PCDHGB1: variants seen among roughly 807,000 people sequenced by gnomAD.
PCDHGB1 encodes protocadherin gamma subfamily B, 1.
In PCDHGB1, 34 loss-of-function variants were observed where a neutral mutation model predicts 56.6. That is an observed-to-expected ratio of 0.60 (90% CI 0.46 to 0.80). The LOEUF is 0.80. Among genes scored for constraint, PCDHGB1 ranks in the 30% least tolerant of loss-of-function variants. The probability of loss-of-function intolerance (pLI) is 0.00; values close to 1 mark genes in which losing one functional copy is unlikely to be tolerated. For missense variants in PCDHGB1, 1,278 were observed against 1,204.6 expected (o/e 1.06, Z -0.90); for synonymous variants, 561 against 505.9 (o/e 1.11, Z -1.46).
At chr5:141,363,012 T>G (rs1296290865) in intron 1 of PCDHGB1, among the ~76,000 whole-genome samples, 1 of 152,230 alleles carries the variant, frequency 6.6e-6, no homozygotes, top group African/African-American at 2.4e-5. Context: ...TCACAGGGCA[T>G]GGGTAGGACA....
chr5:141,398,212 C>T, intron 1 of PCDHGB1: 1 of 1,484,360 alleles, frequency 6.7e-7, no homozygotes, highest in South Asian at 1.3e-5. Flanking sequence ...CTGCCCGGCG[C>T]TCTGTGAGCA....
In PCDHGB1 at chr5:141,389,878, G is replaced by A. The variant is rs1369885786; in HGVS notation, c.2409+37209G>A. On this transcript the variant is annotated intron_variant, in intron 1 of 3. Coordinates refer to ENST00000523390, the MANE Select transcript of PCDHGB1 (RefSeq NM_018922.3). ...ACGTTGCACCTGGTCTTCGCCGACA[G>A]CTTGCAGGAGGTGCTGCCGGATATC... The A allele has an allele frequency of 6.2e-7, 1 of 1,613,972 alleles. No individual in the cohort carries two copies. The highest frequency in any genetic ancestry group is 1.3e-5 in the African/African-American group (1 of 74,952).
At position 141,487,653 on chromosome 5, in the gene PCDHGB1, A is replaced by C. The variant is rs1033173132; in HGVS notation, c.2410-7154A>C. The C allele has an allele frequency of 3.1e-6, 5 of 1,613,794 alleles. No individual in the cohort carries two copies. Among genetic ancestry groups the C allele is most frequent in the Non-Finnish European group, 4.2e-6 (5 of 1,179,926 alleles). ...CAGGCTCAACAAATGCTTGAGGGTT[A>C]TTCTGATCCAGGCATATGGCTAGGC... On this transcript the variant is annotated intron_variant, in intron 1 of 3. Transcript: ENST00000523390. This position sits in a 1 kb window ranked among gnomAD's most constrained non-coding sequence, Gnocchi z 5.0.
intron 2 of PCDHGB1, among the ~76,000 whole-genome samples, chr5:141,500,310 G>A (rs1327269551): frequency 6.6e-6 from 1 of 151,740 alleles, no homozygotes; most frequent in Non-Finnish European, 1.5e-5. Flanking sequence ...CCAGGTTCAC[G>A]CCATGCTCCT....
At chr5:141,475,583 G>A (rs1181419200) in intron 1 of PCDHGB1, among the ~76,000 whole-genome samples, 1 of 152,198 alleles carries the variant, frequency 6.6e-6, no homozygotes, top group Non-Finnish European at 1.5e-5. Context: ...CAGATTTGTT[G>A]GTGTTTTTCC....
chr5:141,490,050 C>T lies in PCDHGB1; in HGVS notation c.2410-4757C>T, dbSNP rs1400735375. On this transcript the variant is annotated intron_variant, in intron 1 of 3. Transcript: ENST00000523390. This position sits in a 1 kb window ranked among gnomAD's most constrained non-coding sequence, Gnocchi z 5.4. ...TCCGCCTCAATGCCACTGATCCAGA[C>T]GAGGGCACCAACGGCCAACTAGACT... The T allele has an allele frequency of 1.2e-6, 2 of 1,614,224 alleles. No individual in the cohort carries two copies. The highest frequency in any genetic ancestry group is 1.7e-6 in the Non-Finnish European group (2 of 1,180,022).
chr5:141,360,863 G>T, intron 1 of PCDHGB1: 1 of 1,614,000 alleles, frequency 6.2e-7, no homozygotes, highest in Non-Finnish European at 8.5e-7. Context: ...CCAGTGTTCA[G>T]CCAGGACGTG....
Position 141,477,649 on chromosome 5 carries a change from A to G in PCDHGB1, c.2410-17158A>G, listed in dbSNP as rs2099415032. 3.7e-6 allele frequency: 6 copies of G among 1,614,076 alleles called. No individual in the cohort carries two copies. Among genetic ancestry groups the G allele is most frequent in the Non-Finnish European group, 5.1e-6 (6 of 1,180,048 alleles). ...CCGGGCTAGTGGGTCGCTATTTCAC[A>G]ATAAATCGTGACAATGGCATAGTGT... On this transcript the variant is annotated intron_variant, in intron 1 of 3. Transcript: ENST00000523390. The surrounding 1 kb of genome is among the most constrained non-coding windows in gnomAD (Gnocchi z 4.9).
chr5:141,484,000 G>C (rs1425172275), intron 1 of PCDHGB1, among the ~76,000 whole-genome samples: 1 of 147,812 alleles, frequency 6.8e-6, no homozygotes, highest in Admixed American at 6.8e-5. Context: ...TGGGAGGTCT[G>C]GATGAGGGTG....
rs117064561 is a variant in PCDHGB1, at chr5:141,470,737, G to T, written c.2410-24070G>T. Among the ~76,000 whole-genome samples the T allele has an allele frequency of 1.9e-3, 295 of 152,132 alleles. 7 individuals carry two copies. In the East Asian group the frequency reaches 0.046, roughly 24 times the overall value. On this transcript the variant is annotated intron_variant, in intron 1 of 3. Coordinates refer to ENST00000523390, the MANE Select transcript of PCDHGB1 (RefSeq NM_018922.3). ...TTTTGAGTCAGGGTCTTGCTCTGTC[G>T]CCCTGGCTGGAGTGCAGTGGACTCA...
At chr5:141,390,123 C>T in intron 1 of PCDHGB1, 1 of 1,614,008 alleles carries the variant, frequency 6.2e-7, no homozygotes, top group Non-Finnish European at 8.5e-7. Context: ...GGGGACTTTG[C>T]CTTATTCCTA....
At position 141,356,742 on chromosome 5, in the gene PCDHGB1, A is replaced by G. The variant is rs770003971; in HGVS notation, c.2409+4073A>G. 4.3e-6 allele frequency: 7 copies of G among 1,613,844 alleles called. No homozygotes were observed. The African/African-American group carries it at 8.0e-5, about 18-fold the overall frequency. On this transcript the variant is annotated intron_variant, in intron 1 of 3. Transcript: ENST00000523390. ...CCATCAACTCCAATACAGGGATCCTATATGCTCTTTGCTCCTTCGACTATG... is the reference window on the plus strand; with the variant it reads ...CCATCAACTCCAATACAGGGATCCTGTATGCTCTTTGCTCCTTCGACTATG...
At chr5:141,467,117 A>G (rs62379198) in intron 1 of PCDHGB1, among the ~76,000 whole-genome samples, 35,587 of 150,646 alleles carry the variant, frequency 0.24, 4,364 homozygotes, top group Admixed American at 0.32. Flanking sequence ...CAATGGTGCA[A>G]TCTCAGCTCA....
chr5:141,376,188 G>A (rs1772391716), intron 1 of PCDHGB1: 2 of 1,614,124 alleles, frequency 1.2e-6, no homozygotes, highest in South Asian at 2.2e-5. Context: ...GCGGTCTCCT[G>A]CGTCTTCCTG....
At chr5:141,422,942 G>A (rs199976232) in intron 1 of PCDHGB1, 5 of 1,614,096 alleles carry the variant, frequency 3.1e-6, no homozygotes, top group Non-Finnish European at 4.2e-6. Flanking sequence ...CCCACAGACG[G>A]CTCCACTGGC....
In PCDHGB1 at chr5:141,357,109, G is replaced by A. The variant is rs1023003199; in HGVS notation, c.2409+4440G>A. The A allele has an allele frequency of 6.2e-7, 1 of 1,613,832 alleles. No homozygotes were observed. The highest frequency in any genetic ancestry group is 8.5e-7 in the Non-Finnish European group (1 of 1,179,948). On this transcript the variant is annotated intron_variant, in intron 1 of 3. Transcript: ENST00000523390. ...CGCACGGGCCCTGCTGGACAGAGAC[G>A]CGCTCAAGCAGAGGCTTGTAGTGGT...
At chr5:141,460,411 T>TG (rs2098988114) in intron 1 of PCDHGB1, among the ~76,000 whole-genome samples, 1 of 152,212 alleles carries the variant, frequency 6.6e-6, no homozygotes, top group Non-Finnish European at 1.5e-5. Context: ...TTTGAGTTGA[T>TG]GTTTATGTAT....
At chr5:141,388,552 G>C in intron 1 of PCDHGB1, 1 of 1,613,814 alleles carries the variant, frequency 6.2e-7, no homozygotes, top group Non-Finnish European at 8.5e-7. Flanking sequence ...CCACCCCTAA[G>C]CAGCACTGCA....
intron 1 of PCDHGB1, among the ~76,000 whole-genome samples, chr5:141,456,537 G>A (rs1411788378): frequency 1.3e-5 from 2 of 152,178 alleles, no homozygotes; most frequent in African/African-American, 4.8e-5. Flanking sequence ...ATTAAAGAGG[G>A]ATTGTAGCCA....
Sources: allele counts gnomAD v4.1 joint callset (sites outside exome capture counted in the v4.1 genomes callset), GRCh38; gene constraint gnomAD v4.1.1; non-coding constraint Gnocchi (gnomAD v3.1); transcripts MANE v1.5; gene names NCBI Gene and HGNC (gene_info 2026-07-23, HGNC 2026-07-21).